The following SIDT1 variants were observed in gnomAD, a reference collection of about 807,000 sequenced individuals.
SIDT1 encodes SID1 transmembrane family member 1.
In SIDT1, 101 loss-of-function variants were observed where a neutral mutation model predicts 107.5. That is an observed-to-expected ratio of 0.94 (90% CI 0.80 to 1.11). The LOEUF is 1.11. SIDT1 is among the 50% of genes least tolerant of loss of function. SIDT1 has a pLI of 0.00. For missense variants in SIDT1, 1,076 were observed against 1,058.2 expected, an observed-to-expected ratio of 1.02 and a Z score of -0.23; for synonymous variants, 395 against 398.2, an observed-to-expected ratio of 0.99 and a Z score of 0.10.
chr3:113,573,702 G>T (rs1329530938), intron 3 of SIDT1, among the ~76,000 whole-genome samples: 1 of 152,126 alleles, frequency 6.6e-6, no homozygotes, highest in Non-Finnish European at 1.5e-5. Flanking sequence ...CCCCAGAAAG[G>T]CCCTCTGTCC....
chr3:113,558,348 G>GT (rs1408222529), intron 1 of SIDT1, among the ~76,000 whole-genome samples: 2 of 152,178 alleles, frequency 1.3e-5, no homozygotes, highest in Admixed American at 1.3e-4. Context: ...TTTGTTTCCT[G>GT]TTTTTTCTCA....
chr3:113,607,081 A>G lies in SIDT1; in HGVS notation c.1445A>G (p.Asn482Ser). ...VTGNQDICYY[N>S]FLCAHPLGVL... ...GGCAACCAGGACATCTGTTACTACA[A>G]CTTCCTCTGTGCTCACCCCTTGGGC... The change falls in exon 15 of 25, where the codon AAC (asparagine) becomes AGC (serine). Residue 482 changes from asparagine (N) to serine (S), a missense_variant. Physicochemically the swap from Asn to Ser is conservative, Grantham distance 46. Coordinates refer to ENST00000264852, the MANE Select transcript of SIDT1 (RefSeq NM_017699.3). 1 of 1,613,514 alleles carries G rather than the reference A, an allele frequency of 6.2e-7. No homozygotes were observed. Among genetic ancestry groups the G allele is most frequent in the South Asian group, 1.1e-5 (1 of 91,032 alleles).
intron 10 of SIDT1, among the ~76,000 whole-genome samples, chr3:113,595,174 T>G (rs192168023): frequency 1.3e-5 from 2 of 152,356 alleles, no homozygotes; most frequent in Admixed American, 6.5e-5. Flanking sequence ...ATAGGCCAGA[T>G]AATTCTTTGT....
At chr3:113,540,260 C>A (rs1002843030) in intron 1 of SIDT1, among the ~76,000 whole-genome samples, 1 of 152,138 alleles carries the variant, frequency 6.6e-6, no homozygotes, top group African/African-American at 2.4e-5. Flanking sequence ...CCAACATATT[C>A]ATGAAGGATC....
In SIDT1 at chr3:113,571,927, T is replaced by C. The variant is rs917059085; in HGVS notation, c.515+4217T>C. ...TCCAGCCTGGGCCATAGAGCAAGACTCCGTCTCACACACACACAAAAAAAA... is the reference window on the plus strand; with the variant it reads ...TCCAGCCTGGGCCATAGAGCAAGACCCCGTCTCACACACACACAAAAAAAA... On this transcript the variant is annotated intron_variant, in intron 3 of 24. Coordinates refer to ENST00000264852, the MANE Select transcript of SIDT1 (RefSeq NM_017699.3). Among the ~76,000 whole-genome samples, 4 of 151,824 alleles carry C rather than the reference T, an allele frequency of 2.6e-5. No individual in the cohort carries two copies. The East Asian group carries it at 7.9e-4, about 30-fold the overall frequency.
chr3:113,602,922 C>A (rs1945060433), intron 11 of SIDT1, 83 bp from the exon 12 acceptor site: 5 of 1,459,188 alleles, frequency 3.4e-6, no homozygotes, highest in South Asian at 2.6e-5. Flanking sequence ...TAGAATGAGT[C>A]TGCACTGTGC....
chr3:113,616,908 G>T (rs993838302), intron 20 of SIDT1, among the ~76,000 whole-genome samples: 4 of 152,024 alleles, frequency 2.6e-5, no homozygotes, highest in Non-Finnish European at 5.9e-5. Context: ...GGCTGGTCTT[G>T]AACTCCCAAC....
chr3:113,571,133 C>A (rs1216574131), intron 3 of SIDT1, among the ~76,000 whole-genome samples: 3 of 152,182 alleles, frequency 2.0e-5, no homozygotes, highest in African/African-American at 7.2e-5. Context: ...TTAAATCCAA[C>A]TTTACTAGCA....
At chr3:113,590,776 A>G (rs959596142) in intron 9 of SIDT1, among the ~76,000 whole-genome samples, 2 of 152,270 alleles carry the variant, frequency 1.3e-5, no homozygotes, top group Non-Finnish European at 1.5e-5. Flanking sequence ...AGACTTGTAC[A>G]TTGAAAACTG....
At chr3:113,594,347 C>T (rs4682499) in intron 10 of SIDT1, among the ~76,000 whole-genome samples, 15,333 of 152,142 alleles carry the variant, frequency 0.1, 1,096 homozygotes, top group Non-Finnish European at 0.16. Context: ...CCCTTTTAGT[C>T]GTCAGATGTT....
At chr3:113,547,448 A>G (rs937041398) in intron 1 of SIDT1, among the ~76,000 whole-genome samples, 1 of 152,150 alleles carries the variant, frequency 6.6e-6, no homozygotes, top group Non-Finnish European at 1.5e-5. Context: ...TATTTGTTGA[A>G]ATAATTCCTT....
intron 10 of SIDT1, among the ~76,000 whole-genome samples, chr3:113,596,115 C>G (rs1252966365): frequency 6.6e-6 from 1 of 152,194 alleles, no homozygotes; most frequent in African/African-American, 2.4e-5. Flanking sequence ...GTGCTTATAT[C>G]CAGAGAAAAT....
chr3:113,586,910 A>T (rs558715453), intron 9 of SIDT1, among the ~76,000 whole-genome samples: 50 of 152,350 alleles, frequency 3.3e-4, no homozygotes, highest in African/African-American at 1.0e-3. Context: ...GAGACTAAAG[A>T]TATGTTACAA....
chr3:113,606,801 G>A (rs1560114662), intron 14 of SIDT1: 2 of 408,410 alleles, frequency 4.9e-6, no homozygotes, highest in East Asian at 7.4e-5. Flanking sequence ...TCCACCTTGG[G>A]GCTGCATAAG....
At chr3:113,591,630 G>A (rs1411672725) in intron 9 of SIDT1, among the ~76,000 whole-genome samples, 1 of 152,236 alleles carries the variant, frequency 6.6e-6, no homozygotes, top group Non-Finnish European at 1.5e-5. Flanking sequence ...GGGAGGCGGA[G>A]CTTGCAGTGA....
At chr3:113,607,736 C>G (rs868737862) in intron 15 of SIDT1, among the ~76,000 whole-genome samples, 5 of 152,326 alleles carry the variant, frequency 3.3e-5, no homozygotes, top group South Asian at 4.1e-4. Flanking sequence ...CACGGGTCCA[C>G]CTGTGAGAAC....
At chr3:113,602,137 G>C (rs1945000782) in intron 11 of SIDT1, 1 of 152,972 alleles carries the variant, frequency 6.5e-6, no homozygotes, top group Non-Finnish European at 1.5e-5. Flanking sequence ...CTGCCACCCA[G>C]TCGTTCACAT....
Position 113,533,296 on chromosome 3 carries a change from C to A in SIDT1, c.222+53C>A, listed in dbSNP as rs566295828. 9.9e-6 allele frequency: 13 copies of A among 1,308,088 alleles called. No individual in the cohort carries two copies. The African/African-American group carries it at 1.4e-4, about 14-fold the overall frequency. 81.0% of individuals were successfully genotyped at this position (1,308,088 alleles called of 1,614,324 possible). ...TCCTAGAACTTGCCAGATCTCAGAG[C>A]CCCGTCGCTGCTTTGGAGTCCCCTG... On this transcript the variant is annotated intron_variant, in intron 1 of 24. Coordinates refer to ENST00000264852, the MANE Select transcript of SIDT1 (RefSeq NM_017699.3).
At chr3:113,548,424 T>C (rs1939842628) in intron 1 of SIDT1, among the ~76,000 whole-genome samples, 1 of 152,116 alleles carries the variant, frequency 6.6e-6, no homozygotes, top group South Asian at 2.1e-4. Context: ...CAACCACTGG[T>C]TTTGTTTTAT....
Sources: gnomAD v4.1 joint callset for allele counts (sites outside exome capture counted in the v4.1 genomes callset) on GRCh38, gnomAD v4.1.1 for gene constraint, MANE v1.5 for transcripts, NCBI Gene and HGNC (gene_info 2026-07-23, HGNC 2026-07-21) for gene names.